The following DCHS2 variants were observed in gnomAD, a reference collection of about 807,000 sequenced individuals.
The protein encoded by DCHS2 is protocadherin-23.
In DCHS2, 142 loss-of-function variants were observed where a neutral mutation model predicts 182.4. The ratio of observed to expected loss-of-function variants is 0.78; its 90% confidence interval spans 0.68 to 0.89. The LOEUF is 0.89. DCHS2 is among the 40% of genes least tolerant of loss of function. The pLI, the probability that DCHS2 is intolerant of heterozygous loss-of-function variation, is 0.00. For missense variants in DCHS2, 4,319 were observed against 4,198.6 expected (o/e 1.03, Z -0.79); for synonymous variants, 1,740 against 1,663.3 (o/e 1.05, Z -1.12).
chr4:154,439,136 T>A (rs1007778450), intron 1 of DCHS2, among the ~76,000 whole-genome samples: 3 of 152,236 alleles, frequency 2.0e-5, no homozygotes, highest in Non-Finnish European at 4.4e-5. Flanking sequence ...TTAATACATT[T>A]CCCTACTAAT....
rs1355578459 is a variant in DCHS2, at chr4:154,321,202, C to A, written c.4197G>T (p.Gly1399=). 11 of 1,539,622 alleles carry A rather than the reference C, an allele frequency of 7.1e-6. No individual in the cohort carries two copies. The highest frequency in any genetic ancestry group is 9.6e-6 in the Non-Finnish European group (11 of 1,142,408). Reference sequence around the variant, plus strand: ...TAATATTCTGAGACATGATTGCTCTCCCTTTGGATAGTGGGATCACCTGAA... The same window carrying A: ...TAATATTCTGAGACATGATTGCTCTACCTTTGGATAGTGGGATCACCTGAA... ...VNIQVIPLSK[G]RAIMSQNIRH... The change falls in exon 9 of 20, where the codon GGG becomes GGT. Residue 1399 remains glycine, a synonymous_variant. Coordinates refer to ENST00000357232, the MANE Select transcript of DCHS2 (RefSeq NM_001358235.2).
intron 1 of DCHS2, among the ~76,000 whole-genome samples, chr4:154,397,622 T>A (rs1019883709): frequency 1.3e-5 from 2 of 152,186 alleles, no homozygotes; most frequent in Non-Finnish European, 2.9e-5. Context: ...TGGGTACCTT[T>A]TCCCTACTTT....
At chr4:154,360,157 T>G (rs917683190) in intron 3 of DCHS2, among the ~76,000 whole-genome samples, 3 of 152,102 alleles carry the variant, frequency 2.0e-5, no homozygotes, top group Non-Finnish European at 4.4e-5. Context: ...ATGTAATTAA[T>G]GTAAGACTCA....
rs1490216519 is a variant in DCHS2, at chr4:154,473,555, T to C, written c.2052+15749A>G. On this transcript the variant is annotated intron_variant, in intron 1 of 19. Coordinates refer to ENST00000357232, the MANE Select transcript of DCHS2 (RefSeq NM_001358235.2). ...CCAATTTTGATAGCAAATGGACAAA[T>C]GTAGTGGATACAGCCCTAGAAGGGT... Among the ~76,000 whole-genome samples the C allele has an allele frequency of 1.3e-5, 2 of 152,072 alleles. 1 individual carries two copies. The highest frequency in any genetic ancestry group is 4.8e-5 in the African/African-American group (2 of 41,392).
At position 154,317,490 on chromosome 4, in the gene DCHS2, C is replaced by T. The variant is rs146608690; in HGVS notation, c.5021-1503G>A. Among the ~76,000 whole-genome samples the T allele has an allele frequency of 5.1e-3, 781 of 152,264 alleles. 5 individuals carry two copies. The highest frequency in any genetic ancestry group is 8.6e-3 in the Non-Finnish European group (584 of 68,016). On this transcript the variant is annotated intron_variant, in intron 9 of 19. Transcript: ENST00000357232. ...TAAATATTTTGATGAAATTTTCCAA[C>T]GGAATATAGCCAGACTATAATCATG...
intron 2 of DCHS2, among the ~76,000 whole-genome samples, chr4:154,367,190 C>T (rs945307752): frequency 6.6e-6 from 1 of 152,210 alleles, no homozygotes; most frequent in Non-Finnish European, 1.5e-5. Context: ...TCTGGAAGGA[C>T]ATGGTTCTTC....
Position 154,377,438 on chromosome 4 carries a change from C to G in DCHS2, c.2059G>C (p.Ala687Pro). Residue 687 changes from alanine (A) to proline (P), a missense_variant, in exon 2 of 20, where the codon GCC (alanine) becomes CCC (proline). Coordinates refer to ENST00000357232, the MANE Select transcript of DCHS2 (RefSeq NM_001358235.2). Reference sequence around the variant, plus strand: ...TAGAGTCCTGAATCTGCATCAGAGGCTGTCACCTGTGAGACAGGAGGGTGA... The same window carrying G: ...TAGAGTCCTGAATCTGCATCAGAGGGTGTCACCTGTGAGACAGGAGGGTGA... ...PVGHCFLQVT[A>P]SDADSGLYGF... 1 of 1,610,714 alleles carries G rather than the reference C, an allele frequency of 6.2e-7. No individual in the cohort carries two copies.
chr4:154,298,651 G>A lies in DCHS2; in HGVS notation c.5663C>T (p.Thr1888Ile), dbSNP rs1181925794. The stretch of plus-strand genomic sequence containing the variant: ...GATTTGCTCCCGGTCCAAAGCACGA[G>A]TGGTTGAGAGTTCTCCTGACATCTC... ...INEMSGELSTTRALDREQISN... is the reference protein window; with the variant it reads ...INEMSGELSTIRALDREQISN... Residue 1888 changes from threonine to isoleucine, a missense_variant, in exon 13 of 20, where the codon ACT becomes ATT. Transcript: ENST00000357232. 3 of 1,612,928 alleles carry A rather than the reference G, an allele frequency of 1.9e-6. No homozygotes were observed. Among genetic ancestry groups the A allele is most frequent in the Non-Finnish European group, 1.7e-6 (2 of 1,179,564 alleles).
At chr4:154,417,204 TGAGAGA>T (rs70947163) in intron 1 of DCHS2, among the ~76,000 whole-genome samples, 68 of 39,486 alleles carry the variant, frequency 1.7e-3, no homozygotes, top group East Asian at 8.4e-3. Context: ...TGTGTGTGTG[TGAGAGA>T]GAGAGAGAGA....
In DCHS2 at chr4:154,489,856, C is replaced by T. The variant is rs750962291; in HGVS notation, c.1500G>A (p.Glu500=). 68 of 1,548,190 alleles carry T rather than the reference C, an allele frequency of 4.4e-5. No homozygotes were observed. The highest frequency in any genetic ancestry group is 1.7e-4 in the Middle Eastern group (1 of 6,002). Residue 500 remains glutamate, a synonymous_variant, in exon 1 of 20, where the codon GAG becomes GAA. Transcript: ENST00000357232. ...GTAGTAACTCATACAGATCGCGGCT[C>T]TCTCTGTCCAGGGGCCCCTCCACGC... The part of the protein sequence containing the change: ...FLCVEGPLDR[E]SRDLYELLLV...
At chr4:154,332,189 C>T (rs544591802) in intron 5 of DCHS2, among the ~76,000 whole-genome samples, 13 of 152,182 alleles carry the variant, frequency 8.5e-5, no homozygotes, top group Non-Finnish European at 1.9e-4. Context: ...GAAAAAGAAC[C>T]ATATATTGGC....
Position 154,490,236 on chromosome 4 carries a change from C to T in DCHS2, c.1120G>A (p.Glu374Lys), listed in dbSNP as rs1030855076. 4.5e-6 allele frequency: 7 copies of T among 1,549,586 alleles called. No homozygotes were observed. The highest frequency in any genetic ancestry group is 2.0e-5 in the Admixed American group (1 of 50,976). Residue 374 changes from glutamate to lysine, a missense_variant, in exon 1 of 20, where the codon GAG becomes AAG. Physicochemically the swap from Glu to Lys is moderately conservative, Grantham distance 56 (BLOSUM62 1). Coordinates refer to ENST00000357232, the MANE Select transcript of DCHS2 (RefSeq NM_001358235.2). ...ACCAACTGGTGCCAGGCCTGTGCCTCGCGGTCCAGAGGTCTCCACACTCGC... is the reference window on the plus strand; with the variant it reads ...ACCAACTGGTGCCAGGCCTGTGCCTTGCGGTCCAGAGGTCTCCACACTCGC... ...VVRVWRPLDR[E>K]AQAWHQLVVE...
intron 1 of DCHS2, among the ~76,000 whole-genome samples, chr4:154,386,205 C>T (rs941647661): frequency 6.6e-6 from 1 of 152,218 alleles, no homozygotes; most frequent in African/African-American, 2.4e-5. Flanking sequence ...TCCTACCCAA[C>T]ATAATCCAAG....
At chr4:154,243,406 C>T (rs541925622) in intron 16 of DCHS2, among the ~76,000 whole-genome samples, 15 of 152,288 alleles carry the variant, frequency 9.8e-5, no homozygotes, top group African/African-American at 3.4e-4. Context: ...CTACAATGAG[C>T]TTGTCCATCA....
chr4:154,399,806 T>C (rs896993578), intron 1 of DCHS2, among the ~76,000 whole-genome samples: 4 of 152,154 alleles, frequency 2.6e-5, no homozygotes, highest in African/African-American at 9.7e-5. Flanking sequence ...TTTCACAGCA[T>C]TTCAAGTTGC....
intron 10 of DCHS2, among the ~76,000 whole-genome samples, chr4:154,310,528 A>G (rs1372907059): frequency 2.0e-5 from 3 of 152,142 alleles, no homozygotes. Flanking sequence ...CACTCCCACT[A>G]CCTTTCCCAA....
intron 1 of DCHS2, among the ~76,000 whole-genome samples, chr4:154,427,668 G>A (rs1733386395): frequency 1.3e-5 from 2 of 152,174 alleles, no homozygotes; most frequent in African/African-American, 2.4e-5. Flanking sequence ...AAAAGGAAAG[G>A]GGATCCAAGA....
chr4:154,278,817 T>C (rs867710400), intron 13 of DCHS2, among the ~76,000 whole-genome samples: 28 of 151,966 alleles, frequency 1.8e-4, no homozygotes, highest in South Asian at 4.1e-4. Flanking sequence ...AGAGGTGACT[T>C]TCCTAGATAA....
intron 2 of DCHS2, among the ~76,000 whole-genome samples, chr4:154,376,522 TAA>T (rs1198908426): frequency 6.6e-6 from 1 of 152,202 alleles, no homozygotes; most frequent in Non-Finnish European, 1.5e-5. Flanking sequence ...GAATTATACT[TAA>T]GAGTAATCAA....
Sources: allele counts gnomAD v4.1 joint callset (sites outside exome capture counted in the v4.1 genomes callset), GRCh38; gene constraint gnomAD v4.1.1; transcripts MANE v1.5; gene names NCBI Gene and HGNC (gene_info 2026-07-23, HGNC 2026-07-21).